Variants in DNAH5 observed in about 807,000 individuals in gnomAD.
DNAH5 encodes dynein axonemal heavy chain 5, also known as axonemal beta dynein heavy chain 5.
Under a neutral mutation model 518.2 loss-of-function variants are expected in DNAH5, and 372 were observed. The observed-to-expected ratio is 0.72, with a 90% confidence interval of 0.66 to 0.78. DNAH5 has a LOEUF of 0.78. Among genes scored for constraint, DNAH5 ranks in the 30% least tolerant of loss-of-function variants. DNAH5 has a pLI of 0.00. For synonymous variants in DNAH5, 2,039 were observed against 2,025.9 expected, an observed-to-expected ratio of 1.01 and a Z score of -0.17; for missense variants, 5,523 against 5,687.0, an observed-to-expected ratio of 0.97 and a Z score of 0.93.
At chr5:13,717,237 C>T (rs1304537978) in intron 73 of DNAH5, 78 bp downstream of exon 73, 10 of 1,346,974 alleles carry the variant, frequency 7.4e-6, no homozygotes, top group African/African-American at 1.4e-5. Context: ...TAATTTACGC[C>T]AAAGCTAGGA....
At chr5:13,883,836 C>T (rs1261509208) in intron 19 of DNAH5, among the ~76,000 whole-genome samples, 1 of 151,944 alleles carries the variant, frequency 6.6e-6, no homozygotes, top group African/African-American at 2.4e-5. Flanking sequence ...TGAAGTAAAA[C>T]ATAATAAGCC....
rs574710160 is a variant in DNAH5 at position 13,794,967 on chromosome 5, A to AAAAT, written c.7888-913_7888-910dup. On this transcript the variant is annotated intron_variant, in intron 47 of 78. Transcript: ENST00000265104. The stretch of plus-strand genomic sequence containing the variant: ...GGGCGACAGAGCGAGACTCCGTCTC[A>AAAAT]AAATAAATAAATAAATAAATAAACC... Among the ~76,000 whole-genome samples the AAAAT allele has an allele frequency of 1.5e-3, 234 of 152,274 alleles. 3 individuals are homozygous for AAAAT. The East Asian group carries it at 0.025, about 16-fold the overall frequency.
At chr5:13,904,809 G>T (rs1361265447) in intron 12 of DNAH5, among the ~76,000 whole-genome samples, 1 of 152,122 alleles carries the variant, frequency 6.6e-6, no homozygotes, top group Non-Finnish European at 1.5e-5. Context: ...TACTCGGGAG[G>T]CTGAGGTGGG....
chr5:13,855,755 TC>T (rs1163373919), intron 30 of DNAH5, among the ~76,000 whole-genome samples: 11 of 152,032 alleles, frequency 7.2e-5, no homozygotes, highest in African/African-American at 2.7e-4. Context: ...AGTAAAACAC[TC>T]CTCAGCAAAT....
chr5:13,732,269 G>A (rs1390945488), intron 68 of DNAH5, among the ~76,000 whole-genome samples: 2 of 152,136 alleles, frequency 1.3e-5, no homozygotes, highest in African/African-American at 4.8e-5. Context: ...CAAGTTCAAG[G>A]CACCAGTGAT....
At chr5:13,735,629 G>A (rs1298017829) in intron 67 of DNAH5, among the ~76,000 whole-genome samples, 189 bp downstream of exon 67, 11 of 152,118 alleles carry the variant, frequency 7.2e-5, no homozygotes, top group Non-Finnish European at 4.4e-5. Flanking sequence ...ATAAATAGTT[G>A]GTAGAGTTTT....
rs781193700 is a variant in DNAH5 at position 13,840,971 on chromosome 5, C to T, written c.5644G>A (p.Glu1882Lys). 1.2e-6 allele frequency: 2 copies of T among 1,614,030 alleles called. No individual in the cohort carries two copies. Among genetic ancestry groups the T allele is most frequent in the Non-Finnish European group, 1.7e-6 (2 of 1,180,012 alleles). ...ATCAGAGTCTCGTATTTCACTCGTTCCGTGGAACTCAGATCCCTCGTGGTG... is the reference window on the plus strand; with the variant it reads ...ATCAGAGTCTCGTATTTCACTCGTTTCGTGGAACTCAGATCCCTCGTGGTG... Reference protein sequence around the residue: ...DVTTRDLSSTERVKYETLITI... With the variant: ...DVTTRDLSSTKRVKYETLITI... The change falls in exon 34 of 79, where the codon GAA becomes AAA. Residue 1882 changes from glutamate to lysine, a missense_variant. Physicochemically the swap from Glu to Lys is moderately conservative, Grantham distance 56. This residue lies in a region of DNAH5 where 5,121 missense variants were observed against 5,223.3 expected (regional missense o/e 0.98). Coordinates refer to ENST00000265104, the MANE Select transcript of DNAH5 (RefSeq NM_001369.3).
intron 1 of DNAH5, among the ~76,000 whole-genome samples, chr5:13,998,743 C>CA (rs1784138354): frequency 6.6e-6 from 1 of 152,096 alleles, no homozygotes; most frequent in Non-Finnish European, 1.5e-5. Flanking sequence ...AAAAATAGTC[C>CA]AAAAAACTCT....
chr5:13,941,825 T>A (rs987916308), intron 1 of DNAH5, among the ~76,000 whole-genome samples: 9 of 152,198 alleles, frequency 5.9e-5, no homozygotes, highest in Admixed American at 5.9e-4. Context: ...TCCGCTGCAG[T>A]GGGGAGAAGA....
intron 68 of DNAH5, among the ~76,000 whole-genome samples, chr5:13,730,239 C>G (rs369939535): frequency 1.4e-3 from 215 of 152,280 alleles, no homozygotes; most frequent in African/African-American, 5.1e-3. Context: ...GTAACTCTGA[C>G]AGCAATGTAA....
intron 65 of DNAH5, among the ~76,000 whole-genome samples, chr5:13,747,748 A>C (rs1337526321): frequency 1.4e-4 from 21 of 151,738 alleles, no homozygotes; most frequent in African/African-American, 4.8e-4. Context: ...TTTTCTTGTA[A>C]ATTTCTTTGA....
intron 1 of DNAH5, among the ~76,000 whole-genome samples, chr5:13,974,312 A>G (rs1782086385): frequency 1.3e-5 from 2 of 151,916 alleles, no homozygotes; most frequent in South Asian, 4.2e-4. Context: ...TGTTGTAGAG[A>G]TGGGGTTTCA....
chr5:13,840,149 G>C (rs1459539578), intron 34 of DNAH5, among the ~76,000 whole-genome samples: 1 of 152,214 alleles, frequency 6.6e-6, no homozygotes, highest in Admixed American at 6.5e-5. Context: ...GGAAAGGTAA[G>C]TAGTGTGCTT....
At chr5:13,826,041 G>A (rs569372447) in intron 38 of DNAH5, among the ~76,000 whole-genome samples, 3 of 152,240 alleles carry the variant, frequency 2.0e-5, no homozygotes, top group African/African-American at 7.2e-5. Context: ...AAATAGAAAT[G>A]TGAATAAACT....
At chr5:13,786,101 T>C (rs771809198) in intron 52 of DNAH5, 78 bp downstream of exon 52, 18 of 1,400,120 alleles carry the variant, frequency 1.3e-5, no homozygotes, top group Non-Finnish European at 1.8e-5. Flanking sequence ...GAAATGAAAA[T>C]AAGAGAGGGA....
chr5:13,770,913 T>C lies in DNAH5; in HGVS notation c.9441A>G (p.Gln3147=). 2 of 1,614,132 alleles carry C rather than the reference T, an allele frequency of 1.2e-6. No individual in the cohort carries two copies. Among genetic ancestry groups the C allele is most frequent in the South Asian group, 2.2e-5 (2 of 91,086 alleles). ...CSLEIKKEVV[Q]CMGSFQDGVA... is the part of the protein sequence containing the mutation. The stretch of plus-strand genomic sequence containing the variant: ...CCCCATCCTGGAAGGAGCCCATGCA[T>C]TGGACCACCTCCTTCTTGATTTCCA... The change falls in exon 56 of 79, where the codon CAA becomes CAG. Residue 3147 remains glutamine, a synonymous_variant. Coordinates refer to ENST00000265104, the MANE Select transcript of DNAH5 (RefSeq NM_001369.3).
chr5:13,781,617 G>A (rs145032920), intron 52 of DNAH5, among the ~76,000 whole-genome samples: 27 of 152,036 alleles, frequency 1.8e-4, no homozygotes, highest in African/African-American at 6.3e-4. Flanking sequence ...TTTTATCAGG[G>A]GTTTTCGCTT....
At chr5:13,740,270 G>C (rs1748257464) in intron 65 of DNAH5, among the ~76,000 whole-genome samples, 1 of 151,872 alleles carries the variant, frequency 6.6e-6, no homozygotes, top group Admixed American at 6.6e-5. Flanking sequence ...GTCTAAACAG[G>C]TCTCCCTACC....
rs774606797 is a variant in DNAH5 at position 13,817,687 on chromosome 5, T to C, written c.6849A>G (p.Gly2283=). 3 of 1,614,214 alleles carry C rather than the reference T, an allele frequency of 1.9e-6. No homozygotes were observed. The highest frequency in any genetic ancestry group is 2.5e-6 in the Non-Finnish European group (3 of 1,180,024). The change falls in exon 42 of 79, where the codon GGA becomes GGG. Residue 2283 remains glycine (G), a synonymous_variant. Transcript: ENST00000265104. ...HTLMRAMTDC[G]KPHREMRMNP... ...TCATCCTCATTTCCCGATGTGGTTT[T>C]CCACAATCTATACCAAGTAAATCCA...
Sources: gnomAD v4.1 joint callset for allele counts (sites outside exome capture counted in the v4.1 genomes callset) on GRCh38, gnomAD v4.1.1 for gene constraint, gnomAD v4.1.1 regional missense constraint, MANE v1.5 for transcripts, NCBI Gene and HGNC (gene_info 2026-07-23, HGNC 2026-07-21) for gene names.